Variants in CCDC33 observed in about 807,000 individuals in gnomAD.
CCDC33 encodes coiled-coil domain-containing protein 33.
CCDC33 carries 94 observed loss-of-function variants against 91.9 expected under a neutral mutation model. The ratio of observed to expected loss-of-function variants is 1.02; its 90% CI spans 0.87 to 1.21. The LOEUF (loss-of-function observed/expected upper bound fraction) is 1.21, where lower values mean the gene tolerates loss of function less well. CCDC33 is among the 50% of genes most tolerant of loss of function. The probability of loss-of-function intolerance (pLI) is 0.00; values close to 1 mark genes in which losing one functional copy is unlikely to be tolerated. For synonymous variants in CCDC33, 396 were observed against 374.5 expected (o/e 1.06, Z -0.66); for missense variants, 940 against 935.5 (o/e 1.00, Z -0.06).
At chr15:74,204,096 AGG>A (rs2074197035) in intron 1 of CCDC33, among the ~76,000 whole-genome samples, 1 of 152,222 alleles carries the variant, frequency 6.6e-6, no homozygotes, top group Admixed American at 6.5e-5. Context: ...TTGCAGGAAG[AGG>A]GCTCTGTTGC....
At chr15:74,258,647 CAT>C (rs2075940153) in intron 2 of CCDC33, among the ~76,000 whole-genome samples, 1 of 151,980 alleles carries the variant, frequency 6.6e-6, no homozygotes, top group Non-Finnish European at 1.5e-5. Flanking sequence ...CATTTGTGCG[CAT>C]GTGTGTGCAT....
intron 10 of CCDC33, among the ~76,000 whole-genome samples, chr15:74,283,659 C>T (rs1442401134): frequency 2.0e-5 from 3 of 152,156 alleles, no homozygotes; most frequent in Non-Finnish European, 4.4e-5. Flanking sequence ...CTTCCCCCAA[C>T]CCCCTCCCCC....
intron 10 of CCDC33, among the ~76,000 whole-genome samples, chr15:74,283,794 TCACACA>T: frequency 6.8e-6 from 1 of 146,318 alleles, no homozygotes; most frequent in African/African-American, 2.5e-5. Flanking sequence ...AGCCAAGAAT[TCACACA>T]CACACACACA....
chr15:74,221,224 T>TTG lies in CCDC33; in HGVS notation c.675+2364_675+2365insGT, dbSNP rs2074586391. On this transcript the variant is annotated intron_variant, in intron 2 of 2. Coordinates refer to the CCDC33 transcript ENST00000635913. ...TGTAGTGTGTGGCACTGGTTTTTTT[T>TTG]TTTTTTTTTTTTTTTTTTTCACCAG... 1.9e-5 allele frequency: 18 copies of TTG among 967,072 alleles called. No individual in the cohort carries two copies. The South Asian group carries it at 7.9e-4, about 42-fold the overall frequency. 59.9% of individuals were successfully genotyped at this position (967,072 alleles called of 1,614,324 possible).
chr15:74,253,523 C>T (rs865811429), intron 2 of CCDC33, among the ~76,000 whole-genome samples: 2 of 152,290 alleles, frequency 1.3e-5, no homozygotes, highest in South Asian at 2.1e-4. Flanking sequence ...TCCCGTTGAT[C>T]TCCTCGTTCC....
In CCDC33 at chr15:74,238,276, C is replaced by T. The variant is rs542238338; in HGVS notation, c.21+1536C>T. 5.9e-5 allele frequency among the ~76,000 whole-genome samples: 9 copies of T among 151,688 alleles called. No individual in the cohort carries two copies. In the South Asian group the frequency reaches 1.7e-3, roughly 28 times the overall value. On this transcript the variant is annotated intron_variant, in intron 1 of 18. Transcript: ENST00000398814. ...TACAAAAATTAACCAGGCGTGGTAG[C>T]GGGCACCTGTAATCCCAGCTACTCG...
intron 11 of CCDC33, among the ~76,000 whole-genome samples, chr15:74,312,650 A>G (rs1397227953): frequency 2.0e-5 from 3 of 152,176 alleles, no homozygotes; most frequent in African/African-American, 7.2e-5. Flanking sequence ...TGTCCTTATC[A>G]GGAGTGTGTG....
At chr15:74,255,894 G>T (rs1314324266) in intron 2 of CCDC33, among the ~76,000 whole-genome samples, 3 of 152,232 alleles carry the variant, frequency 2.0e-5, no homozygotes, top group Non-Finnish European at 4.4e-5. Flanking sequence ...GCTGCCACTG[G>T]CTCAGCAGCC....
In CCDC33 at chr15:74,303,688, G is replaced by A. The variant is rs1049500994; in HGVS notation, c.1290+7740G>A. 1.1e-4 allele frequency: 17 copies of A among 152,664 alleles called. No homozygotes were observed. In the South Asian group the frequency reaches 1.4e-3, roughly 13 times the overall value. 9.5% of individuals were successfully genotyped at this position (152,664 alleles called of 1,614,324 possible). A position where few individuals can be genotyped will look rare whatever the true frequency, so the allele number is the denominator to read the frequency against. On this transcript the variant is annotated intron_variant, in intron 11 of 18. Coordinates refer to ENST00000398814, the MANE Select transcript of CCDC33 (RefSeq NM_025055.5). ...GTGCAGCACACACTCACGAGCTCCC[G>A]CCCAGGCCCAGCTCCCCGAAGGCAG... is the stretch of plus-strand genomic sequence containing the variant.
chr15:74,250,060 A>G (rs1033744052), intron 2 of CCDC33, among the ~76,000 whole-genome samples: 4 of 152,120 alleles, frequency 2.6e-5, no homozygotes, highest in African/African-American at 9.7e-5. Context: ...TCCTGGTGTC[A>G]GGAATCACAT....
chr15:74,210,898 C>G (rs1188348422), intron 2 of CCDC33, among the ~76,000 whole-genome samples: 1 of 152,198 alleles, frequency 6.6e-6, no homozygotes, highest in East Asian at 1.9e-4. Context: ...GTTGTGATAG[C>G]TGGATCTCAG....
At chr15:74,216,414 A>C (rs935943789), upstream of CCDC33, among the ~76,000 whole-genome samples, 2 of 150,842 alleles carry the variant, frequency 1.3e-5, no homozygotes, top group Non-Finnish European at 2.9e-5. Flanking sequence ...TTCACTTACA[A>C]GTCAGGCGAC....
intron 1 of CCDC33, chr15:74,208,736 C>G (rs76263994): frequency 0.024 from 24,157 of 988,078 alleles, 319 homozygotes; most frequent in East Asian, 0.045. Context: ...ACCCCATGTG[C>G]CTTCTCGCTG....
In CCDC33 at chr15:74,244,046, AC is replaced by A. The variant is rs758020026; in HGVS notation, c.85del (p.Leu29CysfsTer34). 5 of 1,588,692 alleles carry A rather than the reference AC, an allele frequency of 3.1e-6. No individual in the cohort carries two copies. The East Asian group carries it at 9.0e-5, about 29-fold the overall frequency. On this transcript the variant is annotated frameshift_variant, in exon 2 of 19. Transcript: ENST00000398814. LOFTEE classifies it high-confidence loss of function. The surrounding 1 kb of genome is among the most constrained non-coding windows in gnomAD (Gnocchi z 4.2). ...ASQSTEPEIG[H>X]LSPSKKETIM... ...CAGAGCACGGAACCTGAGATCGGTC[AC>A]CTGTCTCCCTCTAAGAAGGAGACCA...
At chr15:74,273,215 T>C (rs1448411528) in intron 7 of CCDC33, among the ~76,000 whole-genome samples, 1 of 152,180 alleles carries the variant, frequency 6.6e-6, no homozygotes, top group African/African-American at 2.4e-5. Flanking sequence ...TGATTCCACT[T>C]ATATGGGATA....
At chr15:74,305,213 C>T (rs1019908272) in intron 11 of CCDC33, among the ~76,000 whole-genome samples, 9 of 152,218 alleles carry the variant, frequency 5.9e-5, no homozygotes, top group African/African-American at 1.7e-4. Flanking sequence ...TCCCAAAGTG[C>T]TGGGATTACA....
Position 74,236,586 on chromosome 15 carries a change from T to G in CCDC33, c.-134T>G, listed in dbSNP as rs1266447350. The stretch of plus-strand genomic sequence containing the variant: ...CCTGAGACCACATTGACCTCCATAC[T>G]GTCTACTACCCATAAGGACTCCAAG... On this transcript the variant is annotated 5_prime_UTR_variant, in exon 1 of 19. Transcript: ENST00000398814. 6.5e-6 allele frequency: 3 copies of G among 463,270 alleles called. No individual in the cohort carries two copies. Among genetic ancestry groups the G allele is most frequent in the African/African-American group, 6.2e-5 (3 of 48,748 alleles). 28.7% of individuals were successfully genotyped at this position (463,270 alleles called of 1,614,324 possible).
chr15:74,303,788 C>A (rs351186), intron 11 of CCDC33: 60,991 of 152,232 alleles, frequency 0.4, 13,669 homozygotes, highest in African/African-American at 0.6. Flanking sequence ...GGAGCACCGC[C>A]TGCTGACAGG....
intron 10 of CCDC33, among the ~76,000 whole-genome samples, chr15:74,283,818 A>C (rs975805563): frequency 6.6e-6 from 1 of 151,966 alleles, no homozygotes; most frequent in African/African-American, 2.4e-5. Flanking sequence ...ACACACACAC[A>C]CCCCCTCTAC....
Sources: gnomAD v4.1 joint callset for allele counts (sites outside exome capture counted in the v4.1 genomes callset) on GRCh38, gnomAD v4.1.1 for gene constraint, Gnocchi (gnomAD v3.1) non-coding constraint, MANE v1.5 for transcripts, NCBI Gene and HGNC (gene_info 2026-07-23, HGNC 2026-07-21) for gene names.